The following AASDH variants were observed in gnomAD, a reference collection of about 807,000 sequenced individuals.
The protein encoded by AASDH is beta-alanine-activating enzyme.
Under a neutral mutation model 102.3 loss-of-function variants are expected in AASDH, and 81 were observed. The ratio of observed to expected loss-of-function variants is 0.79; its 90% confidence interval spans 0.66 to 0.95. The LOEUF (loss-of-function observed/expected upper bound fraction) is 0.95, where lower values mean the gene tolerates loss of function less well. AASDH is among the 40% of genes least tolerant of loss of function. The pLI, the probability that AASDH is intolerant of heterozygous loss-of-function variation, is 0.00. For synonymous variants in AASDH, 398 were observed against 454.0 expected, an observed-to-expected ratio of 0.88 and a Z score of 1.57; for missense variants, 1,203 against 1,266.2, an observed-to-expected ratio of 0.95 and a Z score of 0.76.
chr4:56,378,806 TTTTC>T (rs1338999171), intron 3 of AASDH, among the ~76,000 whole-genome samples: 3 of 151,136 alleles, frequency 2.0e-5, no homozygotes, highest in Non-Finnish European at 4.4e-5. Context: ...TTTCTGAATA[TTTTC>T]TTTTTTTTTT....
intron 4 of AASDH, among the ~76,000 whole-genome samples, chr4:56,376,051 T>C (rs2109987343): frequency 7.1e-6 from 1 of 140,926 alleles, no homozygotes; most frequent in Admixed American, 7.7e-5. Context: ...TAAGATTGAG[T>C]CTCGCTCTGT....
chr4:56,369,498 A>C (rs1341867965), intron 5 of AASDH, among the ~76,000 whole-genome samples: 1 of 152,238 alleles, frequency 6.6e-6, no homozygotes, highest in Non-Finnish European at 1.5e-5. Context: ...GTTCATATAT[A>C]TACATGAATT....
Position 56,382,485 on chromosome 4 carries a change from GT to G in AASDH, c.342del (p.Lys114AsnfsTer14). Reference protein sequence around the residue: ...CNLKYILVEKKQINKFKSFHE... With the variant: ...CNLKYILVEKXQINKFKSFHE... Reference sequence around the variant, plus strand: ...GAAACATCCAGACTTACATTAATTTGTTTTTTTTCAACAAGGATATACTTTA... The same window carrying G: ...GAAACATCCAGACTTACATTAATTTGTTTTTTTCAACAAGGATATACTTTA... On this transcript the variant is annotated frameshift_variant, in exon 3 of 15. Transcript: ENST00000205214. LOFTEE classifies it high-confidence loss of function. The G allele has an allele frequency of 3.2e-6, 5 of 1,562,548 alleles. No individual in the cohort carries two copies. The highest frequency in any genetic ancestry group is 1.4e-5 in the African/African-American group (1 of 73,266).
rs770682839 is a variant in AASDH, at chr4:56,351,332, A to C, written c.1692+10T>G. ...TTTATAATAATAATTTTATAACTTA[A>C]AAATTGTACCTTCCACAAATACTGT... On this transcript the variant is annotated intron_variant, in intron 10 of 14. Transcript: ENST00000205214. The C allele has an allele frequency of 1.1e-5, 16 of 1,492,424 alleles. No homozygotes were observed. The East Asian group carries it at 3.4e-4, about 32-fold the overall frequency. 92.4% of individuals were successfully genotyped at this position (1,492,424 alleles called of 1,614,324 possible). A position where few individuals can be genotyped will look rare whatever the true frequency, so the allele number is the denominator to read the frequency against.
chr4:56,352,896 T>C (rs1240659288), intron 9 of AASDH, among the ~76,000 whole-genome samples: 8 of 152,232 alleles, frequency 5.3e-5, no homozygotes, highest in Admixed American at 5.2e-4. Flanking sequence ...GGCAAATTCC[T>C]GACAATAAAT....
rs375089705 is a variant in AASDH, at chr4:56,345,138, A to C, written c.2641T>G (p.Leu881Val). 2.3e-5 allele frequency: 37 copies of C among 1,613,706 alleles called. No homozygotes were observed. The African/African-American group carries it at 4.0e-4, about 17-fold the overall frequency. Residue 881 changes from leucine (L) to valine (V), a missense_variant, in exon 12 of 15, where the codon TTA (leucine) becomes GTA (valine). Coordinates refer to ENST00000205214, the MANE Select transcript of AASDH (RefSeq NM_181806.4). ...AGGTCAATCCTTACATAAATATCTA[A>C]AGCATATGCGTGCTGGTCATGAGAT... ...IGSHDQHAYA[L>V]DIYRKKCVWK...
rs1355024926 is a variant in AASDH, at chr4:56,351,915, T to C, written c.1577-458A>G. Among the ~76,000 whole-genome samples, 13 of 103,636 alleles carry C rather than the reference T, an allele frequency of 1.3e-4. No homozygotes were observed. The Admixed American group carries it at 1.4e-3, about 11-fold the overall frequency. 68.0% of individuals were successfully genotyped at this position (103,636 alleles called of 152,430 possible). A position where few individuals can be genotyped will look rare whatever the true frequency, so the allele number is the denominator to read the frequency against. On this transcript the variant is annotated intron_variant, in intron 9 of 14. Transcript: ENST00000205214. ...TTGGGTGAAGAAGTGAGACCCTATCTCCAAAAAAAAAAAAAAAAGAAAGAA... is the reference window on the plus strand; with the variant it reads ...TTGGGTGAAGAAGTGAGACCCTATCCCCAAAAAAAAAAAAAAAAGAAAGAA...
Position 56,378,147 on chromosome 4 carries a change from C to G in AASDH, c.668+1G>C. ...AGAAAGAGTCAAAGACTAGAACTTA[C>G]CGAAAATGCTGGATATTTGGTACTA... On this transcript the variant is annotated splice_donor_variant, in intron 4 of 14. Transcript: ENST00000205214. LOFTEE classifies it high-confidence loss of function. 1 of 1,593,834 alleles carries G rather than the reference C, an allele frequency of 6.3e-7. No homozygotes were observed. Among genetic ancestry groups the G allele is most frequent in the Non-Finnish European group, 8.5e-7 (1 of 1,170,376 alleles).
chr4:56,349,239 C>A, intron 11 of AASDH, 24 bp downstream of exon 11: 1 of 1,607,566 alleles, frequency 6.2e-7, no homozygotes, highest in African/African-American at 1.3e-5. Flanking sequence ...TTTAACTCCA[C>A]AAACCTCAAA....
intron 5 of AASDH, among the ~76,000 whole-genome samples, chr4:56,359,093 T>TG (rs1560587059): frequency 1.4e-5 from 2 of 144,198 alleles, no homozygotes; most frequent in African/African-American, 5.1e-5. Flanking sequence ...CTTGCTTTTT[T>TG]TTGTTGTTGT....
chr4:56,382,158 G>T (rs1451371461), intron 3 of AASDH: 1 of 256,040 alleles, frequency 3.9e-6, no homozygotes, highest in Non-Finnish European at 7.4e-6. Context: ...TCATACTACA[G>T]AATAGTGGCT....
At chr4:56,356,373 A>C (rs1189311518) in intron 5 of AASDH, 32 of 1,588,526 alleles carry the variant, frequency 2.0e-5, no homozygotes, top group Non-Finnish European at 2.7e-5. Flanking sequence ...TCCTGCGATT[A>C]ACCAGTTCAC....
chr4:56,375,449 A>G (rs1752230670), intron 4 of AASDH, among the ~76,000 whole-genome samples: 1 of 152,226 alleles, frequency 6.6e-6, no homozygotes, highest in Non-Finnish European at 1.5e-5. Flanking sequence ...CTAATTATTT[A>G]CCACCTCACT....
At chr4:56,342,115 A>G (rs1404218594) in intron 14 of AASDH, among the ~76,000 whole-genome samples, 1 of 63,046 alleles carries the variant, frequency 1.6e-5, no homozygotes, top group Non-Finnish European at 4.5e-5. Context: ...TGTCTCAAAA[A>G]AAAAAAAAAA....
chr4:56,355,407 A>C lies in AASDH; in HGVS notation c.878T>G (p.Leu293Arg). The C allele has an allele frequency of 6.2e-7, 1 of 1,613,860 alleles. No homozygotes were observed. The highest frequency in any genetic ancestry group is 8.5e-7 in the Non-Finnish European group (1 of 1,179,784). ...GATAAGCTGAGATCCAAATCTTCTA[A>C]GCAATGTTGGTGTTGCCTGTAGATA... is the stretch of plus-strand genomic sequence containing the variant. ...VTVLQATPTLLRRFGSQLIKS... is the reference protein window; with the variant it reads ...VTVLQATPTLRRRFGSQLIKS... Residue 293 changes from leucine to arginine, a missense_variant, in exon 6 of 15, where the codon CTT becomes CGT. Physicochemically the swap from Leu to Arg is moderately radical, Grantham distance 102. Transcript: ENST00000205214.
In AASDH at chr4:56,355,261, T is replaced by C. The variant is rs1160735888; in HGVS notation, c.1024A>G (p.Asn342Asp). Reference sequence around the variant, plus strand: ...GATACCTCTGTGATACCATAAACATTAAATATTTGTGTTTTATTGCCTTCT... The same window carrying C: ...GATACCTCTGTGATACCATAAACATCAAATATTTGTGTTTTATTGCCTTCT... ...RGEGNKTQIF[N>D]VYGITEVSSW... Residue 342 changes from asparagine (N) to aspartate (D), a missense_variant, in exon 6 of 15, where the codon AAT (asparagine) becomes GAT (aspartate). Transcript: ENST00000205214. The C allele has an allele frequency of 4.3e-6, 7 of 1,614,084 alleles. No individual in the cohort carries two copies. Among genetic ancestry groups the C allele is most frequent in the Non-Finnish European group, 5.9e-6 (7 of 1,179,986 alleles).
chr4:56,378,565 G>C lies in AASDH; in HGVS notation c.352-101C>G. ...AATACAGTCATCCCTCAGTATCCTT[G>C]GGGGAATTGGTTCTAGGATCATCTC... On this transcript the variant is annotated intron_variant, in intron 3 of 14. Coordinates refer to ENST00000205214, the MANE Select transcript of AASDH (RefSeq NM_181806.4). The C allele has an allele frequency of 2.8e-6, 3 of 1,062,890 alleles. No homozygotes were observed. The East Asian group carries it at 7.8e-5, about 28-fold the overall frequency. The allele number at this position is 1,062,890 out of a possible 1,614,324, so 65.8% of individuals were successfully genotyped here.
At position 56,349,538 on chromosome 4, in the gene AASDH, G is replaced by A. The variant is rs1453415220; in HGVS notation, c.2213C>T (p.Ala738Val). The A allele has an allele frequency of 5.6e-6, 9 of 1,614,126 alleles. No individual in the cohort carries two copies. Among genetic ancestry groups the A allele is most frequent in the Non-Finnish European group, 6.8e-6 (8 of 1,180,018 alleles). The change falls in exon 11 of 15, where the codon GCA becomes GTA. Residue 738 changes from alanine (A) to valine (V), a missense_variant. Coordinates refer to ENST00000205214, the MANE Select transcript of AASDH (RefSeq NM_181806.4). ...AGGTTTCCCCTCTTCAGAAACTTTT[G>A]CAACACAGGATGGATCTTTTGACTT... ...IGKSKDPSCV[A>V]KVSEEGKPAI...
Position 56,380,563 on chromosome 4 carries a change from T to C in AASDH, c.351+1914A>G, listed in dbSNP as rs147228333. ...AAACCATCCCTCCCCATTAAAATTC[T>C]ACTATATCTACTAGGTTATGTTTAC... On this transcript the variant is annotated intron_variant, in intron 3 of 14. Transcript: ENST00000205214. Among the ~76,000 whole-genome samples, 1,508 of 152,330 alleles carry C rather than the reference T, an allele frequency of 9.9e-3. 9 individuals are homozygous for C. The highest frequency in any genetic ancestry group is 0.027 in the Middle Eastern group (8 of 294).
Sources: gnomAD v4.1 joint callset for allele counts (sites outside exome capture counted in the v4.1 genomes callset) on GRCh38, gnomAD v4.1.1 for gene constraint, MANE v1.5 for transcripts, NCBI Gene and HGNC (gene_info 2026-07-23, HGNC 2026-07-21) for gene names.